WASF2: variants seen among roughly 807,000 people sequenced by gnomAD.
WASF2 encodes WASP family member 2.
A neutral mutation model predicts 45.0 loss-of-function variants in WASF2; 14 were observed. The ratio of observed to expected loss-of-function variants is 0.31; its 90% confidence interval spans 0.21 to 0.49. The LOEUF is 0.49. Ranked by LOEUF, WASF2 falls within the 20% of genes least tolerant of loss-of-function variation. The pLI is 0.99. For synonymous variants in WASF2, 200 were observed against 236.3 expected, an observed-to-expected ratio of 0.85 and a Z score of 1.41; for missense variants, 439 against 636.1, an observed-to-expected ratio of 0.69 and a Z score of 3.33.
chr1:27,473,455 CAAAAAAAAAAAAAA>C (rs752426888), intron 1 of WASF2, among the ~76,000 whole-genome samples: 1 of 49,752 alleles, frequency 2.0e-5, no homozygotes, highest in African/African-American at 7.6e-5. Flanking sequence ...ACTCCATGGC[CAAAAAAAAAAAAAA>C]AAAAAGAAAG....
chr1:27,428,866 C>G lies in WASF2; in HGVS notation c.25G>C (p.Glu9Gln), dbSNP rs151177492. The change falls in exon 2 of 9, where the codon GAG becomes CAG. Residue 9 changes from glutamate (E) to glutamine (Q), a missense_variant. By Grantham distance (29) the Glu-to-Gln change is conservative. Transcript: ENST00000618852. ...GTCTGACGGCACAGGTGCCTTGGCT[C>G]GATGTTCCTCGTTACTAACGGCATG... MPLVTRNI[E>Q]PRHLCRQTLP... The G allele has an allele frequency of 6.2e-7, 1 of 1,614,036 alleles. No homozygotes were observed. The highest frequency in any genetic ancestry group is 1.3e-5 in the African/African-American group (1 of 74,988).
At chr1:27,460,163 C>T (rs2017525358) in intron 1 of WASF2, among the ~76,000 whole-genome samples, 1 of 151,986 alleles carries the variant, frequency 6.6e-6, no homozygotes, top group African/African-American at 2.4e-5. Context: ...TTTACCAGCT[C>T]CTCTCCTTGT....
intron 1 of WASF2, among the ~76,000 whole-genome samples, chr1:27,480,025 T>C (rs1351519212): frequency 6.6e-6 from 1 of 152,238 alleles, no homozygotes; most frequent in Non-Finnish European, 1.5e-5. Context: ...GTTAGTCTTA[T>C]AATTCTCATA....
At chr1:27,415,861 T>C in intron 5 of WASF2, 124 bp downstream of exon 5, 1 of 769,324 alleles carries the variant, frequency 1.3e-6, no homozygotes, top group Admixed American at 2.3e-5. Context: ...TTTTTAAGAG[T>C]TTCACCTGGC....
At chr1:27,485,522 T>C (rs1571170816) in intron 1 of WASF2, among the ~76,000 whole-genome samples, 1 of 152,188 alleles carries the variant, frequency 6.6e-6, no homozygotes, top group South Asian at 2.1e-4. Context: ...CTAGTGAAGA[T>C]ATTAAAGCAT....
Position 27,407,153 on chromosome 1 carries a change from T to C in WASF2, c.*1036A>G, listed in dbSNP as rs572626418. ...CCTATGGTGAGGTCTGGAGTAGCAA[T>C]ACAACTGAGAAAGCTCTGCCCGGAC... On this transcript the variant is annotated 3_prime_UTR_variant, in exon 9 of 9. Transcript: ENST00000618852. 3 of 152,574 alleles carry C rather than the reference T, an allele frequency of 2.0e-5. No homozygotes were observed. The highest frequency in any genetic ancestry group is 4.8e-5 in the African/African-American group (2 of 41,566). The allele number at this position is 152,574 out of a possible 1,614,324, so 9.5% of individuals were successfully genotyped here.
In WASF2 at chr1:27,472,741, G is replaced by A. The variant is rs1293917429; in HGVS notation, c.-44+17245C>T. Among the ~76,000 whole-genome samples, 12 of 148,722 alleles carry A rather than the reference G, an allele frequency of 8.1e-5. No individual in the cohort carries two copies. In the Admixed American group the frequency reaches 8.1e-4, roughly 10 times the overall value. ...ACCTTGGGAGGCCAAGGCAAGGATT[G>A]CTTGAGGCCAGGAGTTCAAGACCAA... On this transcript the variant is annotated intron_variant, in intron 1 of 8. Transcript: ENST00000618852.
chr1:27,484,192 T>C (rs990372305), intron 1 of WASF2, among the ~76,000 whole-genome samples: 3 of 152,050 alleles, frequency 2.0e-5, no homozygotes, highest in Non-Finnish European at 4.4e-5. Context: ...GGCTTTCTTC[T>C]AAAGAGAAAA....
chr1:27,479,186 T>C (rs1461550639), intron 1 of WASF2, among the ~76,000 whole-genome samples: 1 of 151,550 alleles, frequency 6.6e-6, no homozygotes, highest in Non-Finnish European at 1.5e-5. Context: ...CTCGGGAGGC[T>C]GAGGCAGGAG....
chr1:27,405,643 A>C lies in WASF2; in HGVS notation c.*2546T>G, dbSNP rs1024704456. On this transcript the variant is annotated 3_prime_UTR_variant, in exon 9 of 9. Transcript: ENST00000618852. ...TTTTTTTTTTTTTTGGTGCATATGC[A>C]TAAGTGGAGCCCAGAGGGCCTCTCG... is the stretch of plus-strand genomic sequence containing the variant. The C allele has an allele frequency of 8.9e-6, 1 of 112,788 alleles. No homozygotes were observed. The highest frequency in any genetic ancestry group is 3.7e-5 in the African/African-American group (1 of 27,178). The allele number at this position is 112,788 out of a possible 1,614,324, so 7.0% of individuals were successfully genotyped here.
chr1:27,424,950 C>T (rs1041952719), intron 2 of WASF2, among the ~76,000 whole-genome samples: 1 of 152,216 alleles, frequency 6.6e-6, no homozygotes, highest in Non-Finnish European at 1.5e-5. Flanking sequence ...GGATCAGCTA[C>T]AGGCAGCCAG....
intron 1 of WASF2, among the ~76,000 whole-genome samples, chr1:27,487,004 C>T (rs990951843): frequency 3.4e-5 from 5 of 146,956 alleles, no homozygotes; most frequent in African/African-American, 1.2e-4. Context: ...ATATAATCTA[C>T]ATTTATATAT....
chr1:27,444,453 T>TCC (rs1204485657), intron 1 of WASF2, among the ~76,000 whole-genome samples: 1 of 152,208 alleles, frequency 6.6e-6, no homozygotes, highest in Admixed American at 6.5e-5. Context: ...CCAGTAGGTA[T>TCC]TCAGTAACTG....
rs963719208 is a variant in WASF2 at position 27,445,435 on chromosome 1, C to T, written c.-43-16502G>A. On this transcript the variant is annotated intron_variant, in intron 1 of 8. Transcript: ENST00000618852. ...CCCAAACTAAGAAGTTAGACAAATA[C>T]GCCCATAGTTCTCATCTTTGTACAC... is the stretch of plus-strand genomic sequence containing the variant. Among the ~76,000 whole-genome samples, 6 of 152,284 alleles carry T rather than the reference C, an allele frequency of 3.9e-5. No homozygotes were observed. The East Asian group carries it at 1.2e-3, about 29-fold the overall frequency.
intron 1 of WASF2, among the ~76,000 whole-genome samples, chr1:27,473,455 CAAAAAAAAAAA>C (rs752426888): frequency 2.0e-5 from 1 of 49,752 alleles, no homozygotes; most frequent in Non-Finnish European, 4.3e-5. Flanking sequence ...ACTCCATGGC[CAAAAAAAAAAA>C]AAAAAAAAGA....
At chr1:27,483,885 G>A (rs1406774506) in intron 1 of WASF2, among the ~76,000 whole-genome samples, 2 of 151,738 alleles carry the variant, frequency 1.3e-5, no homozygotes, top group Admixed American at 1.3e-4. Flanking sequence ...GAGCCTAGGA[G>A]GTTGAGGCTG....
chr1:27,415,091 C>T (rs1173367424), intron 5 of WASF2, 128 bp from the exon 6 acceptor site: 13 of 1,241,464 alleles, frequency 1.0e-5, no homozygotes, highest in Non-Finnish European at 1.5e-5. Context: ...AACTACAGAA[C>T]TTACAGAATT....
At chr1:27,435,032 C>T (rs550411335) in intron 1 of WASF2, among the ~76,000 whole-genome samples, 4 of 152,212 alleles carry the variant, frequency 2.6e-5, no homozygotes, top group East Asian at 3.9e-4. Context: ...CCACAACCTC[C>T]GCCTCCCAGG....
At position 27,418,360 on chromosome 1, in the gene WASF2, G is replaced by C; in HGVS notation, c.328C>G (p.Leu110Val). The C allele has an allele frequency of 6.2e-7, 1 of 1,614,232 alleles. No homozygotes were observed. The highest frequency in any genetic ancestry group is 8.5e-7 in the Non-Finnish European group (1 of 1,180,040). ...ACTGGGAGAGAGTTTCTGTCAAAAA[G>C]CTTCTGGTCTTGAATGGTGGAACTT... ...FRSSTIQDQK[L>V]FDRNSLPVPV... is the part of the protein sequence containing the mutation. Residue 110 changes from leucine (L) to valine (V), a missense_variant, in exon 4 of 9, where the codon CTT (leucine) becomes GTT (valine). By Grantham distance (32) the Leu-to-Val change is conservative. This residue lies in a region of WASF2 where 98 missense variants were observed against 120.7 expected (regional missense o/e 0.81). Coordinates refer to ENST00000618852, the MANE Select transcript of WASF2 (RefSeq NM_006990.5).
Sources: allele counts gnomAD v4.1 joint callset (sites outside exome capture counted in the v4.1 genomes callset), GRCh38; gene constraint gnomAD v4.1.1; regional missense constraint gnomAD v4.1.1; transcripts MANE v1.5; gene names NCBI Gene and HGNC (gene_info 2026-07-23, HGNC 2026-07-21).